TTLL10: variants seen among roughly 807,000 people sequenced by gnomAD.
TTLL10 encodes the protein tubulin tyrosine ligase like 10.
A neutral mutation model predicts 69.0 loss-of-function variants in TTLL10; 61 were observed. That is an observed-to-expected ratio of 0.88 (90% CI 0.72 to 1.09). The LOEUF is 1.09. TTLL10 is among the 50% of genes least tolerant of loss of function. The pLI is 0.00. For synonymous variants in TTLL10, 408 were observed against 393.3 expected (o/e 1.04, Z -0.44); for missense variants, 962 against 945.9 (o/e 1.02, Z -0.22).
intron 3 of TTLL10, 85 bp from the exon 4 acceptor site, chr1:1,179,104 C>A: frequency 1.1e-6 from 1 of 920,374 alleles, no homozygotes; most frequent in Non-Finnish European, 1.6e-6. Context: ...GCAGGGTGGG[C>A]CTGACTGCCT....
intron 14 of TTLL10, among the ~76,000 whole-genome samples, 166 bp downstream of exon 14, chr1:1,196,882 GC>G (rs1021868083): frequency 5.3e-5 from 8 of 152,116 alleles, no homozygotes; most frequent in Admixed American, 5.2e-4. Context: ...CACCCCCTGT[GC>G]AGCTAGGATG....
At chr1:1,197,008 T>C (rs536596566) in intron 14 of TTLL10, 85 bp from the exon 15 acceptor site, 14 of 1,266,734 alleles carry the variant, frequency 1.1e-5, no homozygotes, top group Admixed American at 2.0e-5. Context: ...CCCAGAGCCA[T>C]CTGTCTGAAT....
chr1:1,175,725 GC>G, intron 3 of TTLL10: 1 of 454,714 alleles, frequency 2.2e-6, no homozygotes, highest in South Asian at 1.6e-5. Flanking sequence ...CGAGGCTGCT[GC>G]TCCCAGCTGC....
intron 5 of TTLL10, 54 bp downstream of exon 5, chr1:1,179,791 C>T: frequency 6.7e-7 from 1 of 1,496,828 alleles, no homozygotes; most frequent in Non-Finnish European, 8.9e-7. Context: ...GCTCCCCACC[C>T]CCACCTGGAA....
In TTLL10 at chr1:1,197,871, C is replaced by A; in HGVS notation, c.*24C>A. The A allele has an allele frequency of 7.1e-7, 1 of 1,401,348 alleles. No homozygotes were observed. The highest frequency in any genetic ancestry group is 9.3e-7 in the Non-Finnish European group (1 of 1,078,494). 86.8% of individuals were successfully genotyped at this position (1,401,348 alleles called of 1,614,324 possible). ...AGGGGCAGCCACCCGCGCCCAGCGC[C>A]CCGCGCCCCGCGCCCCAGCCGTGCT... On this transcript the variant is annotated 3_prime_UTR_variant, in exon 16 of 16. Transcript: ENST00000379289.
intron 6 of TTLL10, 57 bp downstream of exon 6, chr1:1,180,397 G>A: frequency 6.5e-7 from 1 of 1,540,874 alleles, no homozygotes; most frequent in South Asian, 1.2e-5. Context: ...CCTGCTCCCG[G>A]GGCCCAGCCC....
chr1:1,190,007 G>A (rs1647626449), intron 13 of TTLL10, among the ~76,000 whole-genome samples: 1 of 151,838 alleles, frequency 6.6e-6, no homozygotes, highest in East Asian at 1.9e-4. Flanking sequence ...AGCTACTCGG[G>A]AGGCTGAGGC....
At position 1,180,405 on chromosome 1, in the gene TTLL10, C is replaced by T. The variant is rs546092998; in HGVS notation, c.506+65C>T. The T allele has an allele frequency of 8.8e-5, 136 of 1,540,644 alleles. No homozygotes were observed. In the African/African-American group the frequency reaches 1.8e-3, roughly 21 times the overall value. ...CCCACCGCCTGCTCCCGGGGCCCAG[C>T]CCGGCCTCCGCTGGCCGCCCGCCAT... On this transcript the variant is annotated intron_variant, in intron 6 of 15. Transcript: ENST00000379289.
At chr1:1,184,188 G>A in intron 12 of TTLL10, 97 bp downstream of exon 12, 1 of 1,534,136 alleles carries the variant, frequency 6.5e-7, no homozygotes, top group Non-Finnish European at 8.9e-7. Flanking sequence ...TGCAGCTACA[G>A]AAGGAGGTGG....
rs1427070135 is a variant in TTLL10, at chr1:1,173,987, C to T, written c.-131+61C>T. ...TGGGCTCGGCCCCGCCCTCCTACGC[C>T]CTGCCTGCGGGTCCCCTCGGGAGGC... On this transcript the variant is annotated intron_variant, in intron 1 of 15. Coordinates refer to ENST00000379289, the MANE Select transcript of TTLL10 (RefSeq NM_001130045.2). The surrounding 1 kb of genome is among the most constrained non-coding windows in gnomAD (Gnocchi z 4.1). 6.6e-6 allele frequency: 1 copy of T among 152,454 alleles called. No individual in the cohort carries two copies. Among genetic ancestry groups the T allele is most frequent in the African/African-American group, 2.4e-5 (1 of 41,464 alleles). 9.4% of individuals were successfully genotyped at this position (152,454 alleles called of 1,614,324 possible). A position where few individuals can be genotyped will look rare whatever the true frequency, so the allele number is the denominator to read the frequency against.
intron 12 of TTLL10, among the ~76,000 whole-genome samples, chr1:1,184,664 G>A (rs1647197737): frequency 6.6e-6 from 1 of 152,162 alleles, no homozygotes; most frequent in South Asian, 2.1e-4. Flanking sequence ...AGGCCTTCTA[G>A]GTTAGGGGGA....
chr1:1,193,420 T>C (rs748372004), intron 13 of TTLL10, among the ~76,000 whole-genome samples: 9 of 152,192 alleles, frequency 5.9e-5, no homozygotes, highest in Non-Finnish European at 1.0e-4. Context: ...GTTCCTCAGT[T>C]TCTCCATTAC....
At chr1:1,178,980 G>A (rs1033378700) in intron 3 of TTLL10, among the ~76,000 whole-genome samples, 1 of 152,250 alleles carries the variant, frequency 6.6e-6, no homozygotes. Flanking sequence ...CAGAGACAGG[G>A]TGCAGAGACA....
chr1:1,174,768 C>T (rs1486343334), intron 3 of TTLL10: 2 of 152,226 alleles, frequency 1.3e-5, no homozygotes, highest in East Asian at 3.8e-4. Flanking sequence ...AGGCTGCGTC[C>T]CACCTGCATT....
At chr1:1,186,440 A>G (rs1647329381) in intron 13 of TTLL10, among the ~76,000 whole-genome samples, 1 of 143,372 alleles carries the variant, frequency 7.0e-6, no homozygotes, top group South Asian at 2.3e-4. Context: ...ATATTTTGCC[A>G]TCAGCTGGTG....
At chr1:1,194,976 T>G (rs370314270) in intron 13 of TTLL10, among the ~76,000 whole-genome samples, 16 of 152,102 alleles carry the variant, frequency 1.1e-4, no homozygotes, top group African/African-American at 3.1e-4. Context: ...GCTTTATTTT[T>G]CTTCCCTCTC....
At position 1,184,081 on chromosome 1, in the gene TTLL10, T is replaced by C; in HGVS notation, c.1250T>C (p.Leu417Ser). The C allele has an allele frequency of 2.5e-6, 4 of 1,614,190 alleles. No homozygotes were observed. Among genetic ancestry groups the C allele is most frequent in the Non-Finnish European group, 3.4e-6 (4 of 1,180,016 alleles). Reference protein sequence around the residue: ...DPHSSDLGGHLTNQFMQKKSP... With the variant: ...DPHSSDLGGHSTNQFMQKKSP... ...CATTCCAGCGACCTCGGCGGCCACT[T>C]GACCAACCAGGTGAGTCTGCCATGG... The change falls in exon 12 of 16, where the codon TTG (leucine) becomes TCG (serine). Residue 417 changes from leucine (L) to serine (S), a missense_variant. Coordinates refer to ENST00000379289, the MANE Select transcript of TTLL10 (RefSeq NM_001130045.2).
intron 13 of TTLL10, among the ~76,000 whole-genome samples, chr1:1,193,044 G>A (rs994646306): frequency 2.6e-5 from 4 of 152,198 alleles, no homozygotes; most frequent in Admixed American, 1.3e-4. Context: ...TACTGATAAA[G>A]GGCCGGGCAC....
Position 1,195,500 on chromosome 1 carries a change from C to CTT in TTLL10, c.1402-1083_1402-1082dup, listed in dbSNP as rs1168016636. ...TATTTGATAAGACATCATCGTCATA[C>CTT]TTTTTTTTTTTTTTTTTTAGTTTTA... On this transcript the variant is annotated intron_variant, in intron 13 of 15. Transcript: ENST00000379289. 2.0e-4 allele frequency among the ~76,000 whole-genome samples: 20 copies of CTT among 98,784 alleles called. 1 individual carries two copies. Among genetic ancestry groups the CTT allele is most frequent in the African/African-American group, 5.0e-4 (12 of 24,086 alleles). The allele number at this position is 98,784 out of a possible 152,430, so 64.8% of individuals were successfully genotyped here. A position where few individuals can be genotyped will look rare whatever the true frequency, so the allele number is the denominator to read the frequency against.
Sources: allele counts gnomAD v4.1 joint callset (sites outside exome capture counted in the v4.1 genomes callset), GRCh38; gene constraint gnomAD v4.1.1; non-coding constraint Gnocchi (gnomAD v3.1); transcripts MANE v1.5; gene names NCBI Gene and HGNC (gene_info 2026-07-23, HGNC 2026-07-21).